Variants in RASA1 observed in about 807,000 individuals in gnomAD.
RASA1 encodes ras GTPase-activating protein 1.
Under a neutral mutation model 132.2 loss-of-function variants are expected in RASA1, and 25 were observed. That is an observed-to-expected ratio of 0.19 (90% CI 0.14 to 0.26). The LOEUF is 0.26. Ranked by LOEUF, RASA1 falls within the 10% of genes least tolerant of loss-of-function variation. RASA1 has a pLI of 1.00. For missense variants in RASA1, 964 were observed against 1,299.2 expected (o/e 0.74, Z 3.97); for synonymous variants, 477 against 449.9 (o/e 1.06, Z -0.76).
At chr5:87,308,339 T>C (rs62368944) in intron 1 of RASA1, among the ~76,000 whole-genome samples, 66,725 of 151,658 alleles carry the variant, frequency 0.44, 14,587 homozygotes, top group East Asian at 0.51. Context: ...TAGGATTCTA[T>C]TTGTTTTGAA....
chr5:87,310,306 T>A (rs1163234088), intron 1 of RASA1, among the ~76,000 whole-genome samples: 2 of 152,010 alleles, frequency 1.3e-5, no homozygotes, highest in Non-Finnish European at 2.9e-5. Context: ...AAATTACTAA[T>A]CAAAAGAGAC....
At chr5:87,376,328 T>C (rs1761323964) in intron 15 of RASA1, 65 bp from the exon 16 acceptor site, 4 of 1,575,932 alleles carry the variant, frequency 2.5e-6, no homozygotes, top group Middle Eastern at 1.8e-4. Context: ...ACCAGGAAAA[T>C]TTACTTGCAT....
At chr5:87,374,459 A>ATTTTTTTTTT (rs770426797) in intron 14 of RASA1, 139 bp downstream of exon 14, 1 of 164,174 alleles carries the variant, frequency 6.1e-6, no homozygotes, top group African/African-American at 3.0e-5. Context: ...ATATATATAT[A>ATTTTTTTTTT]TTTTTTTTTT....
intron 1 of RASA1, among the ~76,000 whole-genome samples, chr5:87,270,010 G>T (rs1428276383): frequency 6.6e-6 from 1 of 152,094 alleles, no homozygotes; most frequent in Non-Finnish European, 1.5e-5. Context: ...GAGAGGCTGA[G>T]GTGGGCGGAT....
At chr5:87,269,105 T>G in intron 1 of RASA1, 115 bp downstream of exon 1, 10 of 1,613,784 alleles carry the variant, frequency 6.2e-6, no homozygotes, top group Non-Finnish European at 7.6e-6. Context: ...GAAAAGTTTT[T>G]GAAGTTTCAG....
At chr5:87,378,302 T>C in intron 17 of RASA1, 94 bp from the exon 18 acceptor site, 2 of 1,434,676 alleles carry the variant, frequency 1.4e-6, no homozygotes, top group East Asian at 4.6e-5. Flanking sequence ...AAGTGGCTAT[T>C]CCTGTTGAGG....
intron 1 of RASA1, among the ~76,000 whole-genome samples, chr5:87,274,544 T>C (rs952058652): frequency 1.6e-4 from 24 of 152,084 alleles, no homozygotes; most frequent in African/African-American, 5.8e-4. Flanking sequence ...CAGAGAAATA[T>C]AGTAGGTGCT....
chr5:87,391,479 T>C lies in RASA1; in HGVS notation c.*596T>C, dbSNP rs894226654. On this transcript the variant is annotated 3_prime_UTR_variant, in exon 25 of 25. Transcript: ENST00000274376. ...TCTTGCTGGAACTGTTGAAAGAAAA[T>C]ATATAGAATGATCTATTGCTCATCA... is the stretch of plus-strand genomic sequence containing the variant. 1.2e-5 allele frequency: 3 copies of C among 240,246 alleles called. No individual in the cohort carries two copies. The highest frequency in any genetic ancestry group is 2.5e-5 in the Non-Finnish European group (3 of 121,406). 14.9% of individuals were successfully genotyped at this position (240,246 alleles called of 1,614,324 possible). A position where few individuals can be genotyped will look rare whatever the true frequency, so the allele number is the denominator to read the frequency against.
At chr5:87,366,811 C>G (rs576817150) in intron 11 of RASA1, among the ~76,000 whole-genome samples, 9 of 152,160 alleles carry the variant, frequency 5.9e-5, no homozygotes, top group Non-Finnish European at 1.2e-4. Context: ...GTGGGCTGAT[C>G]GCTTAAGCTC....
chr5:87,328,539 T>C (rs1757397703), intron 1 of RASA1, among the ~76,000 whole-genome samples: 1 of 152,170 alleles, frequency 6.6e-6, no homozygotes. Flanking sequence ...ACTCCCAAAG[T>C]GTTCACTCTT....
At chr5:87,331,620 T>C in intron 2 of RASA1, 120 bp downstream of exon 2, 1 of 1,129,320 alleles carries the variant, frequency 8.9e-7, no homozygotes, top group Non-Finnish European at 1.3e-6. Context: ...AGGAAGCTTG[T>C]TTTCAGTCAA....
chr5:87,367,098 AT>A lies in RASA1; in HGVS notation c.1611-2707del, dbSNP rs200051325. Among the ~76,000 whole-genome samples the A allele has an allele frequency of 9.2e-3, 1,400 of 152,096 alleles. 27 individuals carry two copies. The highest frequency in any genetic ancestry group is 0.031 in the African/African-American group (1,302 of 41,480). ...AAAGTATGCTACTTTATTATTAACT[AT>A]TTTTTTTAAAGTGCCTTCCTGTGAA... On this transcript the variant is annotated intron_variant, in intron 11 of 24. Transcript: ENST00000274376.
At chr5:87,367,932 T>C (rs1327149717) in intron 11 of RASA1, among the ~76,000 whole-genome samples, 1 of 152,168 alleles carries the variant, frequency 6.6e-6, no homozygotes, top group Admixed American at 6.5e-5. Context: ...AGATTTTTCC[T>C]TATATTTTTA....
chr5:87,277,972 A>C (rs567823531), intron 1 of RASA1, among the ~76,000 whole-genome samples: 1 of 152,224 alleles, frequency 6.6e-6, no homozygotes, highest in African/African-American at 2.4e-5. Context: ...TACTCCAGCA[A>C]ATTTTCTGTA....
intron 3 of RASA1, 94 bp from the exon 4 acceptor site, chr5:87,333,173 T>C: frequency 2.6e-6 from 4 of 1,521,438 alleles, no homozygotes; most frequent in Non-Finnish European, 3.5e-6. Context: ...GAGTTTCTAA[T>C]GTGAATTTTT....
rs544933475 is a variant in RASA1 at position 87,380,920 on chromosome 5, T to G, written c.2690+325T>G. ...TCTTCATACATACACACACATTGATTGGCAGTGAGAGAGAAGGGCAGTAAT... is the reference window on the plus strand; with the variant it reads ...TCTTCATACATACACACACATTGATGGGCAGTGAGAGAGAAGGGCAGTAAT... On this transcript the variant is annotated intron_variant, in intron 20 of 24. Coordinates refer to ENST00000274376, the MANE Select transcript of RASA1 (RefSeq NM_002890.3). 4.3e-4 allele frequency among the ~76,000 whole-genome samples: 65 copies of G among 152,328 alleles called. 1 individual carries two copies. The highest frequency in any genetic ancestry group is 3.9e-3 in the Admixed American group (60 of 15,294).
intron 1 of RASA1, among the ~76,000 whole-genome samples, chr5:87,304,576 TC>T (rs1755523046): frequency 6.6e-6 from 1 of 152,034 alleles, no homozygotes; most frequent in Non-Finnish European, 1.5e-5. Flanking sequence ...CATGCAGTTC[TC>T]CTGCCTCAGC....
At chr5:87,331,718 C>T (rs1358238803) in intron 2 of RASA1, among the ~76,000 whole-genome samples, 1 of 151,916 alleles carries the variant, frequency 6.6e-6, no homozygotes, top group Non-Finnish European at 1.5e-5. Context: ...CTGTGCTGAT[C>T]CTCAAATATA....
intron 1 of RASA1, among the ~76,000 whole-genome samples, chr5:87,314,360 G>A (rs1015142122): frequency 2.6e-5 from 4 of 152,240 alleles, no homozygotes; most frequent in South Asian, 2.1e-4. Context: ...GGGCATAGTT[G>A]TTTCTGGAGA....
Sources: allele counts gnomAD v4.1 joint callset (sites outside exome capture counted in the v4.1 genomes callset), GRCh38; gene constraint gnomAD v4.1.1; transcripts MANE v1.5; gene names NCBI Gene and HGNC (gene_info 2026-07-23, HGNC 2026-07-21).